VMP1: variants seen among roughly 807,000 people sequenced by gnomAD.
The protein encoded by VMP1 is vacuole membrane protein 1.
Under a neutral mutation model 56.0 loss-of-function variants are expected in VMP1, and 11 were observed. That is an observed-to-expected ratio of 0.20 (90% CI 0.12 to 0.32). The LOEUF is 0.32. VMP1 is among the 10% of genes least tolerant of loss of function. The pLI is 1.00. For synonymous variants in VMP1, 149 were observed against 165.0 expected (o/e 0.90, Z 0.74); for missense variants, 296 against 490.3 (o/e 0.60, Z 3.74).
intron 7 of VMP1, among the ~76,000 whole-genome samples, chr17:59,799,888 G>C (rs962265234): frequency 1.3e-5 from 2 of 150,880 alleles, no homozygotes; most frequent in Non-Finnish European, 2.9e-5. Flanking sequence ...ACTTGAACCC[G>C]GGAGGCGGAG....
intron 10 of VMP1, among the ~76,000 whole-genome samples, chr17:59,820,304 C>T (rs2038395110): frequency 6.6e-6 from 1 of 152,140 alleles, no homozygotes; most frequent in Non-Finnish European, 1.5e-5. Context: ...ATTTCTCAGC[C>T]TTGGCACTAT....
intron 10 of VMP1, among the ~76,000 whole-genome samples, chr17:59,823,388 T>TCA (rs1336988609): frequency 7.1e-6 from 1 of 141,718 alleles, no homozygotes. Context: ...GAGGCGGAGG[T>TCA]TGCAGTGAGC....
At chr17:59,717,646 A>G (rs2034218446) in intron 1 of VMP1, among the ~76,000 whole-genome samples, 1 of 152,184 alleles carries the variant, frequency 6.6e-6, no homozygotes, top group African/African-American at 2.4e-5. Flanking sequence ...CACCTCTGGT[A>G]CAGTGGCTCA....
intron 10 of VMP1, among the ~76,000 whole-genome samples, chr17:59,831,595 A>G (rs887841143): frequency 1.3e-5 from 2 of 150,916 alleles, no homozygotes; most frequent in African/African-American, 4.9e-5. Flanking sequence ...ATTTTGCCCA[A>G]ATGTTATTTT....
chr17:59,806,300 T>A (rs2037840131), intron 7 of VMP1, among the ~76,000 whole-genome samples: 1 of 152,228 alleles, frequency 6.6e-6, no homozygotes, highest in African/African-American at 2.4e-5. Flanking sequence ...TATTCTTATA[T>A]GGTTTTAAAT....
intron 7 of VMP1, among the ~76,000 whole-genome samples, chr17:59,776,447 A>T (rs946554686): frequency 6.6e-6 from 1 of 152,218 alleles, no homozygotes; most frequent in Non-Finnish European, 1.5e-5. Flanking sequence ...ATTAATGCTA[A>T]TAATTATTAC....
intron 1 of VMP1, among the ~76,000 whole-genome samples, chr17:59,721,715 CAAACA>C (rs57750049): frequency 0.14 from 20,660 of 150,098 alleles, 1,651 homozygotes; most frequent in Middle Eastern, 0.26. Context: ...TCTGTCTCTA[CAAACA>C]AAACAAAACA....
intron 7 of VMP1, among the ~76,000 whole-genome samples, chr17:59,802,839 C>T (rs149635999): frequency 6.6e-6 from 1 of 152,308 alleles, no homozygotes; most frequent in Non-Finnish European, 1.5e-5. Context: ...CTCTGCCTGC[C>T]GTGTTCAAGC....
At chr17:59,836,655 G>A (rs1039317991) in intron 10 of VMP1, among the ~76,000 whole-genome samples, 4 of 150,924 alleles carry the variant, frequency 2.7e-5, no homozygotes, top group Non-Finnish European at 5.9e-5. Context: ...ACATGTGTGC[G>A]CATCTGCCTA....
intron 7 of VMP1, among the ~76,000 whole-genome samples, chr17:59,808,017 G>A (rs535379066): frequency 1.6e-4 from 25 of 152,158 alleles, no homozygotes; most frequent in Middle Eastern, 3.4e-3. Flanking sequence ...TTCAAAACCA[G>A]AAAATAATTA....
chr17:59,715,120 T>C (rs1177079697), intron 1 of VMP1, among the ~76,000 whole-genome samples: 1 of 152,238 alleles, frequency 6.6e-6, no homozygotes, highest in Non-Finnish European at 1.5e-5. Flanking sequence ...TTTATCCCAA[T>C]TGTTTTCGCT....
intron 10 of VMP1, among the ~76,000 whole-genome samples, chr17:59,824,265 A>AG (rs1350323341): frequency 6.8e-6 from 1 of 148,000 alleles, no homozygotes; most frequent in Non-Finnish European, 1.5e-5. Flanking sequence ...AAAAAAAAAA[A>AG]GGGTATCAAA....
intron 7 of VMP1, among the ~76,000 whole-genome samples, chr17:59,794,464 C>T (rs1436229775): frequency 5.6e-5 from 8 of 142,980 alleles, no homozygotes; most frequent in East Asian, 4.1e-4. Flanking sequence ...ATGATCTGCC[C>T]GCCTCGGCCT....
At chr17:59,772,950 C>CTTT (rs1179269248) in intron 6 of VMP1, among the ~76,000 whole-genome samples, 1,142 of 55,720 alleles carry the variant, frequency 0.02, 320 homozygotes, top group Middle Eastern at 0.079. Flanking sequence ...CTGGTGAATT[C>CTTT]TTTTTTTTTT....
intron 7 of VMP1, among the ~76,000 whole-genome samples, chr17:59,780,699 G>A (rs2036790527): frequency 6.6e-6 from 1 of 152,102 alleles, no homozygotes; most frequent in African/African-American, 2.4e-5. Context: ...CAACTCTCTT[G>A]CCTCAGCCTC....
chr17:59,753,597 A>T (rs1210925997), intron 5 of VMP1, among the ~76,000 whole-genome samples: 1 of 152,204 alleles, frequency 6.6e-6, no homozygotes, highest in African/African-American at 2.4e-5. Flanking sequence ...TTACTCTCCT[A>T]TATAATGTGA....
chr17:59,818,475 T>A (rs1363093657), intron 10 of VMP1, among the ~76,000 whole-genome samples: 5 of 152,186 alleles, frequency 3.3e-5, no homozygotes. Flanking sequence ...TAGGTTATTT[T>A]AAAAGGCTAA....
At chr17:59,773,402 A>AT (rs34893138) in intron 6 of VMP1, among the ~76,000 whole-genome samples, 38,258 of 146,678 alleles carry the variant, frequency 0.26, 5,164 homozygotes, top group East Asian at 0.44. Flanking sequence ...TTGTCTCAAG[A>AT]TTTTTTTTTT....
intron 10 of VMP1, among the ~76,000 whole-genome samples, chr17:59,824,093 A>C (rs1031748196): frequency 6.6e-6 from 1 of 151,914 alleles, no homozygotes; most frequent in African/African-American, 2.4e-5. Context: ...TCCACTAAAC[A>C]TACAAAAATT....
Sources: allele counts gnomAD v4.1 joint callset (sites outside exome capture counted in the v4.1 genomes callset), GRCh38; gene constraint gnomAD v4.1.1; transcripts MANE v1.5; gene names NCBI Gene and HGNC (gene_info 2026-07-23, HGNC 2026-07-21).